The following NYAP2 variants were observed in gnomAD, a reference collection of about 807,000 sequenced individuals.
NYAP2 encodes the protein neuronal tyrosine-phosphorylated phosphoinositide-3-kinase adapter 2.
Under a neutral mutation model 50.4 loss-of-function variants are expected in NYAP2, and 23 were observed. The ratio of observed to expected loss-of-function variants is 0.46; its 90% confidence interval spans 0.33 to 0.65. The LOEUF is 0.65. Ranked by LOEUF, NYAP2 falls within the 30% of genes least tolerant of loss-of-function variation. NYAP2 has a pLI of 0.02. For missense variants in NYAP2, 885 were observed against 861.0 expected (o/e 1.03, Z -0.35); for synonymous variants, 394 against 365.2 (o/e 1.08, Z -0.90).
At chr2:225,568,726 C>A (rs575813052) in intron 4 of NYAP2, among the ~76,000 whole-genome samples, 1 of 152,218 alleles carries the variant, frequency 6.6e-6, no homozygotes, top group South Asian at 2.1e-4. Flanking sequence ...TCACATAAAC[C>A]AATGGAGAGG....
chr2:225,549,479 G>A (rs1222409559), intron 4 of NYAP2, among the ~76,000 whole-genome samples: 1 of 152,172 alleles, frequency 6.6e-6, no homozygotes, highest in Non-Finnish European at 1.5e-5. Context: ...ACTTGATGGA[G>A]TCATTGCTGA....
At chr2:225,451,497 A>T (rs1689650392) in intron 3 of NYAP2, among the ~76,000 whole-genome samples, 1 of 152,150 alleles carries the variant, frequency 6.6e-6, no homozygotes, top group Non-Finnish European at 1.5e-5. Flanking sequence ...TACTTATTAT[A>T]TATATATATA....
intron 3 of NYAP2, among the ~76,000 whole-genome samples, chr2:225,431,785 G>A (rs1265740695): frequency 6.6e-6 from 1 of 152,182 alleles, no homozygotes; most frequent in Non-Finnish European, 1.5e-5. Context: ...GGCAAGCCAT[G>A]TTCCATCTAC....
At chr2:225,578,402 G>A (rs1692206342) in intron 4 of NYAP2, among the ~76,000 whole-genome samples, 1 of 152,186 alleles carries the variant, frequency 6.6e-6, no homozygotes, top group South Asian at 2.1e-4. Context: ...GCAGGCTAGA[G>A]ACTAACTTCA....
intron 3 of NYAP2, among the ~76,000 whole-genome samples, chr2:225,416,052 C>T (rs1044335951): frequency 3.3e-5 from 5 of 152,090 alleles, no homozygotes; most frequent in African/African-American, 9.7e-5. Flanking sequence ...GTGTTGATAA[C>T]GGGTGAGATT....
intron 3 of NYAP2, among the ~76,000 whole-genome samples, chr2:225,499,841 G>GA (rs1012769109): frequency 5.9e-5 from 9 of 152,152 alleles, no homozygotes; most frequent in African/African-American, 2.2e-4. Flanking sequence ...TGAGAGACAA[G>GA]AAAAAATAGC....
chr2:225,683,950 C>G, the NYAP2 span, among the ~76,000 whole-genome samples: 1 of 152,106 alleles, frequency 6.6e-6, no homozygotes, highest in Non-Finnish European at 1.5e-5. Context: ...TGATCAATCT[C>G]TTTTGAGGAA....
At chr2:225,425,990 A>C (rs1186381132) in intron 3 of NYAP2, among the ~76,000 whole-genome samples, 3 of 152,176 alleles carry the variant, frequency 2.0e-5, no homozygotes, top group Non-Finnish European at 4.4e-5. Flanking sequence ...GGGTAAGCTC[A>C]AGTTTAAATT....
chr2:225,531,047 G>A (rs1235564964), intron 4 of NYAP2, among the ~76,000 whole-genome samples: 1 of 152,158 alleles, frequency 6.6e-6, no homozygotes, highest in Non-Finnish European at 1.5e-5. Context: ...TTTCAGAGAG[G>A]ATTTTCTCAC....
the NYAP2 span, among the ~76,000 whole-genome samples, chr2:225,689,048 T>C: frequency 2.8e-4 from 42 of 152,222 alleles, no homozygotes; most frequent in African/African-American, 9.6e-4. Flanking sequence ...AGCTTGAAAA[T>C]TGAACATCAA....
At chr2:225,583,478 GT>G (rs1692336997) in intron 5 of NYAP2, among the ~76,000 whole-genome samples, 1 of 151,990 alleles carries the variant, frequency 6.6e-6, no homozygotes, top group Non-Finnish European at 1.5e-5. Context: ...TATCTTGAAT[GT>G]AAGCTGAAAG....
Position 225,582,630 on chromosome 2 carries a change from T to C in NYAP2, c.1213T>C (p.Ser405Pro), listed in dbSNP as rs1294695343. The change falls in exon 5 of 7, where the codon TCT becomes CCT. Residue 405 changes from serine (S) to proline (P), a missense_variant. Ser to Pro is a moderately conservative substitution (Grantham distance 74). Coordinates refer to ENST00000636099, the Ensembl canonical transcript of NYAP2. This position sits in a 1 kb window ranked among gnomAD's most constrained non-coding sequence, Gnocchi z 7.0. ...GCAGGCCGCGGCCCTGGGACCTGCC[T>C]CTGCCACCCCTGCGCTCTCCTCGTC... 1 of 1,595,764 alleles carries C rather than the reference T, an allele frequency of 6.3e-7. No homozygotes were observed. The highest frequency in any genetic ancestry group is 1.1e-5 in the South Asian group (1 of 87,832).
chr2:225,592,412 G>C (rs1049571393), intron 5 of NYAP2, among the ~76,000 whole-genome samples: 3 of 152,164 alleles, frequency 2.0e-5, no homozygotes, highest in African/African-American at 7.2e-5. Flanking sequence ...ACAAAGCAGC[G>C]CAAGGGGCCC....
At chr2:225,649,994 G>T (rs2106271664) in intron 6 of NYAP2, among the ~76,000 whole-genome samples, 1 of 152,290 alleles carries the variant, frequency 6.6e-6, no homozygotes, top group East Asian at 1.9e-4. Context: ...TGCCAAGAAA[G>T]AAAACTATTA....
At chr2:225,695,826 A>T in the NYAP2 span, among the ~76,000 whole-genome samples, 1 of 151,940 alleles carries the variant, frequency 6.6e-6, no homozygotes, top group African/African-American at 2.4e-5. Context: ...CTAAAATTTT[A>T]TTTAAAAAGT....
At chr2:225,573,552 A>C (rs1692113550) in intron 4 of NYAP2, among the ~76,000 whole-genome samples, 1 of 151,550 alleles carries the variant, frequency 6.6e-6, no homozygotes. Context: ...GCCTGGCCCC[A>C]AAATTTTATT....
chr2:225,627,431 T>A (rs1250180680), intron 6 of NYAP2, among the ~76,000 whole-genome samples: 3 of 152,220 alleles, frequency 2.0e-5, no homozygotes, highest in Non-Finnish European at 4.4e-5. Flanking sequence ...AGGCCTCATC[T>A]AAAGCAGTTT....
At chr2:225,545,037 A>T (rs148786446) in intron 4 of NYAP2, among the ~76,000 whole-genome samples, 1 of 152,162 alleles carries the variant, frequency 6.6e-6, no homozygotes, top group Admixed American at 6.5e-5. Flanking sequence ...TAAGATTTCA[A>T]CTGAAACATC....
At chr2:225,446,505 A>T (rs1305908364) in intron 3 of NYAP2, among the ~76,000 whole-genome samples, 1 of 152,026 alleles carries the variant, frequency 6.6e-6, no homozygotes, top group African/African-American at 2.4e-5. Context: ...AGAAAGTGTT[A>T]TGAAGTTGCA....
Sources: gnomAD v4.1 joint callset for allele counts (sites outside exome capture counted in the v4.1 genomes callset) on GRCh38, gnomAD v4.1.1 for gene constraint, Gnocchi (gnomAD v3.1) non-coding constraint, MANE v1.5 for transcripts, NCBI Gene and HGNC (gene_info 2026-07-23, HGNC 2026-07-21) for gene names.